The following AHI1 variants were observed in gnomAD, a reference collection of about 807,000 sequenced individuals.
AHI1 encodes jouberin.
In AHI1, 123 loss-of-function variants were observed where a neutral mutation model predicts 149.3. That is an observed-to-expected ratio of 0.82 (90% CI 0.71 to 0.96). The LOEUF (loss-of-function observed/expected upper bound fraction) is 0.96. Among genes scored for constraint, AHI1 ranks in the 40% least tolerant of loss-of-function variants. The probability of loss-of-function intolerance (pLI) is 0.00; values close to 1 mark genes in which losing one functional copy is unlikely to be tolerated. For missense variants in AHI1, 1,439 were observed against 1,422.7 expected (o/e 1.01, Z -0.18); for synonymous variants, 475 against 459.8 (o/e 1.03, Z -0.42).
At chr6:135,476,844 C>T (rs1169220262) in intron 5 of AHI1, among the ~76,000 whole-genome samples, 1 of 152,028 alleles carries the variant, frequency 6.6e-6, no homozygotes, top group Non-Finnish European at 1.5e-5. Context: ...AAATATTAAC[C>T]TACCTATGCC....
At chr6:135,436,230 G>A (rs989131341) in intron 15 of AHI1, among the ~76,000 whole-genome samples, 4 of 152,084 alleles carry the variant, frequency 2.6e-5, no homozygotes, top group Non-Finnish European at 2.9e-5. Flanking sequence ...ATAGACGATC[G>A]GCAGAGGAAA....
intron 20 of AHI1, among the ~76,000 whole-genome samples, chr6:135,420,840 T>C (rs1012611194): frequency 6.6e-6 from 1 of 152,238 alleles, no homozygotes; most frequent in Non-Finnish European, 1.5e-5. Flanking sequence ...CATTCACAAC[T>C]TGGCTAACTA....
intron 24 of AHI1, among the ~76,000 whole-genome samples, chr6:135,350,735 C>T (rs1349314389): frequency 6.6e-6 from 1 of 152,002 alleles, no homozygotes; most frequent in African/African-American, 2.4e-5. Context: ...TATTCAGGGG[C>T]AGAGAGATCA....
chr6:135,451,087 CCT>C (rs1376540063), intron 11 of AHI1, among the ~76,000 whole-genome samples: 1 of 152,006 alleles, frequency 6.6e-6, no homozygotes, highest in Non-Finnish European at 1.5e-5. Context: ...ACTTCCATTC[CCT>C]GTGTCCAAGC....
intron 6 of AHI1, 50 bp from the exon 7 acceptor site, chr6:135,466,423 T>C (rs1434643718): frequency 6.9e-7 from 1 of 1,455,804 alleles, no homozygotes; most frequent in East Asian, 2.3e-5. Flanking sequence ...ATAGATTAGT[T>C]ATATAAAGAA....
intron 23 of AHI1, among the ~76,000 whole-genome samples, chr6:135,382,772 A>T (rs1349434095): frequency 6.6e-6 from 1 of 151,446 alleles, no homozygotes; most frequent in African/African-American, 2.4e-5. Flanking sequence ...AAGGATTTAC[A>T]AAGGAAATAA....
chr6:135,353,844 T>C (rs1406168003), intron 24 of AHI1, among the ~76,000 whole-genome samples: 1 of 152,122 alleles, frequency 6.6e-6, no homozygotes, highest in African/African-American at 2.4e-5. Flanking sequence ...TGAAATACCA[T>C]GTGACAAAAA....
intron 23 of AHI1, among the ~76,000 whole-genome samples, chr6:135,358,896 C>G (rs1212428520): frequency 6.6e-6 from 1 of 152,176 alleles, no homozygotes; most frequent in African/African-American, 2.4e-5. Context: ...TAAAAATGAA[C>G]ACAAGTGTGG....
At chr6:135,482,140 C>A (rs1053194899) in intron 5 of AHI1, among the ~76,000 whole-genome samples, 2 of 152,000 alleles carry the variant, frequency 1.3e-5, no homozygotes, top group Non-Finnish European at 2.9e-5. Flanking sequence ...TTATTTCTTC[C>A]AATGTATTCT....
At chr6:135,480,074 T>C (rs761291488) in intron 5 of AHI1, among the ~76,000 whole-genome samples, 1 of 152,218 alleles carries the variant, frequency 6.6e-6, no homozygotes, top group Non-Finnish European at 1.5e-5. Context: ...TCTCTTTTTT[T>C]CATAAATTAC....
chr6:135,436,416 G>C (rs938448544), intron 15 of AHI1, among the ~76,000 whole-genome samples: 9 of 152,256 alleles, frequency 5.9e-5, no homozygotes, highest in African/African-American at 2.2e-4. Flanking sequence ...AAAATAGCAA[G>C]AAACTGCCAA....
intron 5 of AHI1, among the ~76,000 whole-genome samples, chr6:135,477,037 C>G (rs1792774290): frequency 2.1e-5 from 3 of 145,490 alleles, no homozygotes; most frequent in African/African-American, 7.5e-5. Context: ...TCTTTGTCCT[C>G]TTTTTTTTTT....
At chr6:135,326,930 A>G (rs1787794640) in intron 24 of AHI1, among the ~76,000 whole-genome samples, 1 of 152,126 alleles carries the variant, frequency 6.6e-6, no homozygotes, top group African/African-American at 2.4e-5. Flanking sequence ...TCCAATGTCC[A>G]TTATACCTCT....
intron 24 of AHI1, among the ~76,000 whole-genome samples, chr6:135,325,270 G>A (rs1787489659): frequency 6.6e-6 from 1 of 152,120 alleles, no homozygotes; most frequent in African/African-American, 2.4e-5. Flanking sequence ...CAGGTGATCT[G>A]CTCGCCTTGG....
intron 24 of AHI1, among the ~76,000 whole-genome samples, chr6:135,342,924 T>G (rs1159540056): frequency 6.6e-6 from 1 of 150,438 alleles, no homozygotes; most frequent in Non-Finnish European, 1.5e-5. Context: ...GTACTGGAGG[T>G]TCTAACTGGA....
intron 15 of AHI1, among the ~76,000 whole-genome samples, 167 bp from the exon 16 acceptor site, chr6:135,433,423 G>A (rs1313858173): frequency 6.6e-6 from 1 of 151,942 alleles, no homozygotes; most frequent in African/African-American, 2.4e-5. Flanking sequence ...TCTCATATTT[G>A]ATGACTGGAA....
At chr6:135,480,769 T>C (rs957451924) in intron 5 of AHI1, among the ~76,000 whole-genome samples, 1 of 152,160 alleles carries the variant, frequency 6.6e-6, no homozygotes, top group African/African-American at 2.4e-5. Context: ...CTTTTACAAA[T>C]CAGGCCACAC....
chr6:135,290,328 T>C (rs1284830552), intron 28 of AHI1, 95 bp downstream of exon 28: 1 of 800,214 alleles, frequency 1.2e-6, no homozygotes, highest in Non-Finnish European at 2.1e-6. Flanking sequence ...CTTATTTTAC[T>C]TGCCTCTCTC....
At chr6:135,305,535 T>A (rs1784441102) in intron 26 of AHI1, among the ~76,000 whole-genome samples, 1 of 152,216 alleles carries the variant, frequency 6.6e-6, no homozygotes, top group South Asian at 2.1e-4. Context: ...GATGTTTCAA[T>A]TAGAAAGTCA....
Sources: allele counts gnomAD v4.1 joint callset (sites outside exome capture counted in the v4.1 genomes callset), GRCh38; gene constraint gnomAD v4.1.1; transcripts MANE v1.5; gene names NCBI Gene and HGNC (gene_info 2026-07-23, HGNC 2026-07-21).